The following GPR89B variants were observed in gnomAD, a reference collection of about 807,000 sequenced individuals.
The protein encoded by GPR89B is G protein-coupled receptor 89B.
GPR89B carries 25 observed loss-of-function variants against 52.4 expected under a neutral mutation model. That is an observed-to-expected ratio of 0.48 (90% CI 0.35 to 0.67). GPR89B has a LOEUF of 0.67. Ranked by LOEUF, GPR89B falls within the 30% of genes least tolerant of loss-of-function variation. GPR89B has a pLI of 0.01. For synonymous variants in GPR89B, 52 were observed against 151.2 expected, an observed-to-expected ratio of 0.34 and a Z score of 4.81; for missense variants, 146 against 450.2, an observed-to-expected ratio of 0.32 and a Z score of 6.11.
At chr1:148,023,129 T>C in the GPR89B span, among the ~76,000 whole-genome samples, 1 of 150,726 alleles carries the variant, frequency 6.6e-6, no homozygotes, top group African/African-American at 2.5e-5. Flanking sequence ...TGTCTATAGT[T>C]CTCAAGTTTA....
the GPR89B span, chr1:148,009,321 C>G: frequency 1.9e-6 from 3 of 1,608,696 alleles, no homozygotes; most frequent in African/African-American, 1.3e-5. Context: ...CTGCCTCCCC[C>G]TGCTCCCCAA....
In GPR89B at chr1:147,943,538, C is replaced by T. The variant is rs145261510; in HGVS notation, c.307C>T (p.Arg103Ter). The T allele has an allele frequency of 3.4e-4, 545 of 1,613,062 alleles. No individual in the cohort carries two copies. Among genetic ancestry groups the T allele is most frequent in the Non-Finnish European group, 4.1e-4 (485 of 1,179,374 alleles). ...TGGCTATTTTATTGTGAGCAATATC[C>T]GACTACGTAAGTATTTTACCCTCTC... ...YIGYFIVSNI[R>*]LLHKQRLLFS... Residue 103 changes from arginine (R) to a stop codon, truncating the protein, a stop_gained, in exon 4 of 14, where the codon CGA becomes TGA. Coordinates refer to ENST00000314163, the MANE Select transcript of GPR89B (RefSeq NM_016334.5). LOFTEE classifies it high-confidence loss of function.
At chr1:148,015,821 T>A in the GPR89B span, among the ~76,000 whole-genome samples, 5 of 150,562 alleles carry the variant, frequency 3.3e-5, no homozygotes, top group East Asian at 9.8e-4. Context: ...GAAGAGCAAT[T>A]ACTCCATCAT....
intron 7 of GPR89B, among the ~76,000 whole-genome samples, chr1:147,959,513 C>T (rs1656378615): frequency 6.6e-6 from 1 of 152,056 alleles, no homozygotes; most frequent in Non-Finnish European, 1.5e-5. Context: ...AAGTTGATAG[C>T]TTTCTTGCCT....
At chr1:147,965,922 C>T (rs1333170699) in intron 7 of GPR89B, among the ~76,000 whole-genome samples, 2 of 151,926 alleles carry the variant, frequency 1.3e-5, no homozygotes, top group African/African-American at 4.9e-5. Context: ...TCTCAGCTCA[C>T]TGCAACCTCT....
the GPR89B span, chr1:148,022,008 G>A: frequency 6.7e-6 from 1 of 148,680 alleles, no homozygotes; most frequent in Non-Finnish European, 1.5e-5. Flanking sequence ...GGTAAGAAGC[G>A]CAGCTGGCCC....
intron 7 of GPR89B, among the ~76,000 whole-genome samples, chr1:147,966,082 G>A (rs1346179460): frequency 6.6e-6 from 1 of 151,798 alleles, no homozygotes; most frequent in Non-Finnish European, 1.5e-5. Flanking sequence ...CCCAACCTCA[G>A]GTGATCCACC....
the GPR89B span, among the ~76,000 whole-genome samples, chr1:148,017,177 G>A: frequency 2.6e-5 from 4 of 151,690 alleles, no homozygotes; most frequent in Non-Finnish European, 5.9e-5. Flanking sequence ...GAGTAGCTGG[G>A]ACTACAGGTG....
At chr1:147,932,212 C>T (rs1184616761) in intron 1 of GPR89B, among the ~76,000 whole-genome samples, 2 of 151,968 alleles carry the variant, frequency 1.3e-5, no homozygotes, top group Non-Finnish European at 2.9e-5. Flanking sequence ...CATCTGTCTC[C>T]ACCGGTAAAT....
At chr1:148,004,047 A>G in the GPR89B span, 2 of 440,802 alleles carry the variant, frequency 4.5e-6, no homozygotes, top group Non-Finnish European at 8.2e-6. Flanking sequence ...GGAATAAGAA[A>G]GTTTCTGTAT....
At chr1:148,017,693 G>C in the GPR89B span, among the ~76,000 whole-genome samples, 3 of 149,746 alleles carry the variant, frequency 2.0e-5, no homozygotes, top group African/African-American at 7.4e-5. Context: ...AGCCAAGATC[G>C]GGCCACTGCA....
intron 3 of GPR89B, among the ~76,000 whole-genome samples, chr1:147,939,480 C>CT (rs1283710900): frequency 3.3e-5 from 5 of 152,132 alleles, no homozygotes; most frequent in Non-Finnish European, 5.9e-5. Flanking sequence ...CTTTGTTGTG[C>CT]TTTTTTATCA....
chr1:147,930,406 A>G (rs1553246844), intron 1 of GPR89B, among the ~76,000 whole-genome samples: 2 of 152,058 alleles, frequency 1.3e-5, no homozygotes, highest in South Asian at 2.1e-4. Flanking sequence ...TCTTCTTGGC[A>G]TTTATTACTA....
intron 10 of GPR89B, among the ~76,000 whole-genome samples, chr1:147,974,905 C>G (rs1485375395): frequency 1.3e-5 from 2 of 148,924 alleles, no homozygotes; most frequent in African/African-American, 5.0e-5. Flanking sequence ...TATCAAAGGC[C>G]TTTTCTGTGT....
the GPR89B span, among the ~76,000 whole-genome samples, chr1:148,013,097 A>T: frequency 6.6e-6 from 1 of 152,140 alleles, no homozygotes; most frequent in Non-Finnish European, 1.5e-5. Context: ...GCAATCTTAC[A>T]TGCATTACCT....
chr1:147,934,361 G>A (rs587747285), intron 1 of GPR89B, among the ~76,000 whole-genome samples: 1 of 152,090 alleles, frequency 6.6e-6, no homozygotes, highest in African/African-American at 2.4e-5. Context: ...ATTTTTTGTA[G>A]AGATGGGGTT....
rs1210046533 is a variant in GPR89B, at chr1:147,958,159, G to T, written c.617+3757G>T. 5.3e-4 allele frequency among the ~76,000 whole-genome samples: 80 copies of T among 152,012 alleles called. 1 individual carries two copies. Among genetic ancestry groups the T allele is most frequent in the African/African-American group, 1.9e-3 (78 of 41,308 alleles). On this transcript the variant is annotated intron_variant, in intron 7 of 13. Coordinates refer to ENST00000314163, the MANE Select transcript of GPR89B (RefSeq NM_016334.5). The stretch of plus-strand genomic sequence containing the variant: ...CATGTCAGTAAAGACAGTCAGTAAA[G>T]ACTAGGCTATTGAAGGTAGACACGT...
At chr1:147,950,378 C>T (rs1450753290) in intron 5 of GPR89B, among the ~76,000 whole-genome samples, 9 of 151,234 alleles carry the variant, frequency 6.0e-5, no homozygotes, top group African/African-American at 2.2e-4. Flanking sequence ...GATGGGATGG[C>T]GGCCGGGAAG....
chr1:147,961,860 T>C (rs1479183394), intron 7 of GPR89B, among the ~76,000 whole-genome samples: 1 of 152,050 alleles, frequency 6.6e-6, no homozygotes, highest in Non-Finnish European at 1.5e-5. Context: ...AAGACTTGAA[T>C]AGTAATGATG....
Sources: allele counts gnomAD v4.1 joint callset (sites outside exome capture counted in the v4.1 genomes callset), GRCh38; gene constraint gnomAD v4.1.1; transcripts MANE v1.5; gene names NCBI Gene and HGNC (gene_info 2026-07-23, HGNC 2026-07-21).